The following COL24A1 variants were observed in gnomAD, a reference collection of about 807,000 sequenced individuals.
COL24A1 encodes collagen alpha-1(XXIV) chain.
In COL24A1, 224 loss-of-function variants were observed where a neutral mutation model predicts 253.9. That is an observed-to-expected ratio of 0.88 (90% confidence interval 0.79 to 0.99). COL24A1 has a LOEUF of 0.99. Ranked by LOEUF, COL24A1 falls within the 50% of genes least tolerant of loss-of-function variation. The pLI is 0.00. For synonymous variants in COL24A1, 685 were observed against 673.7 expected (o/e 1.02, Z -0.26); for missense variants, 2,131 against 2,068.5 (o/e 1.03, Z -0.59).
chr1:85,883,080 A>G (rs1174673276), intron 32 of COL24A1, among the ~76,000 whole-genome samples: 1 of 152,204 alleles, frequency 6.6e-6, no homozygotes, highest in African/African-American at 2.4e-5. Context: ...TGACTATGAT[A>G]TCATTGAGTT....
rs1697676974 is a variant in COL24A1, at chr1:86,022,874, G to C, written c.2107C>G (p.Leu703Val). 6.2e-7 allele frequency: 1 copy of C among 1,605,738 alleles called. No homozygotes were observed. Among genetic ancestry groups the C allele is most frequent in the African/African-American group, 1.3e-5 (1 of 74,714 alleles). Residue 703 changes from leucine to valine, a missense_variant, in exon 16 of 60, where the codon CTT (leucine) becomes GTT (valine). Coordinates refer to ENST00000370571, the MANE Select transcript of COL24A1 (RefSeq NM_152890.7). ...GPAGIPGPMG[L>V]SGNKGLPGIK... Reference sequence around the variant, plus strand: ...CCAGGTAGTCCTTTATTCCCTGAAAGGCCCTACAAAAAAAGGTGACATTTT... The same window carrying C: ...CCAGGTAGTCCTTTATTCCCTGAAACGCCCTACAAAAAAAGGTGACATTTT...
chr1:85,766,113 C>T (rs1388210193), intron 53 of COL24A1, among the ~76,000 whole-genome samples: 1 of 151,854 alleles, frequency 6.6e-6, no homozygotes, highest in Admixed American at 6.6e-5. Context: ...TGCCTCTAAT[C>T]CCAGCACTTT....
intron 14 of COL24A1, 105 bp from the exon 15 acceptor site, chr1:86,023,112 A>G (rs1204478985): frequency 1.1e-6 from 1 of 927,384 alleles, no homozygotes; most frequent in Non-Finnish European, 1.7e-6. Context: ...CCAACTCACT[A>G]AGCTCCTACA....
intron 7 of COL24A1, among the ~76,000 whole-genome samples, chr1:86,076,911 A>G (rs1702293958): frequency 6.6e-6 from 1 of 152,234 alleles, no homozygotes; most frequent in African/African-American, 2.4e-5. Flanking sequence ...CCTAGGCAAT[A>G]CCATTCTGGA....
At chr1:86,079,040 C>T (rs1453060574) in intron 7 of COL24A1, among the ~76,000 whole-genome samples, 1 of 152,136 alleles carries the variant, frequency 6.6e-6, no homozygotes. Context: ...AATCACATTA[C>T]CTGATTTCAA....
intron 7 of COL24A1, among the ~76,000 whole-genome samples, chr1:86,088,043 A>C (rs1703195667): frequency 6.6e-6 from 1 of 152,236 alleles, no homozygotes; most frequent in Non-Finnish European, 1.5e-5. Context: ...CCAAAACCAG[A>C]TAAATAGCTG....
intron 47 of COL24A1, among the ~76,000 whole-genome samples, chr1:85,799,865 A>G (rs17128351): frequency 0.019 from 2,904 of 152,362 alleles, 96 homozygotes; most frequent in African/African-American, 0.066. Context: ...ATGATGACTT[A>G]TGATCTGGTA....
At chr1:85,934,824 C>T (rs1688114506) in intron 24 of COL24A1, among the ~76,000 whole-genome samples, 1 of 152,044 alleles carries the variant, frequency 6.6e-6, no homozygotes, top group Non-Finnish European at 1.5e-5. Context: ...AAGCCCAAGT[C>T]ATTTCTGCTG....
intron 24 of COL24A1, among the ~76,000 whole-genome samples, chr1:85,943,811 T>C (rs1688979409): frequency 6.6e-6 from 1 of 152,226 alleles, no homozygotes; most frequent in Non-Finnish European, 1.5e-5. Flanking sequence ...GTGTGACTTC[T>C]ACCCCTTCAC....
At chr1:85,799,576 G>A (rs366187) in intron 47 of COL24A1, among the ~76,000 whole-genome samples, 58,871 of 151,736 alleles carry the variant, frequency 0.39, 11,794 homozygotes, top group East Asian at 0.57. Context: ...TTACTACCTT[G>A]TTTCACTGAA....
rs567093110 is a variant in COL24A1 at position 85,778,139 on chromosome 1, T to A, written c.4339-2430A>T. Among the ~76,000 whole-genome samples the A allele has an allele frequency of 3.9e-5, 6 of 152,244 alleles. No individual in the cohort carries two copies. The East Asian group carries it at 9.6e-4, about 24-fold the overall frequency. On this transcript the variant is annotated intron_variant, in intron 52 of 59. Coordinates refer to ENST00000370571, the MANE Select transcript of COL24A1 (RefSeq NM_152890.7). ...AGATAATTTTTTATTTTTAAATTTT[T>A]TTTGCCCAGGCTGGAGTGCAGTGGC... is the stretch of plus-strand genomic sequence containing the variant.
intron 37 of COL24A1, among the ~76,000 whole-genome samples, chr1:85,856,570 A>G (rs1678459643): frequency 6.6e-6 from 1 of 152,108 alleles, no homozygotes; most frequent in African/African-American, 2.4e-5. Context: ...TGACTTTCTG[A>G]TTACCCTACC....
intron 52 of COL24A1, among the ~76,000 whole-genome samples, chr1:85,778,212 T>C (rs1570575230): frequency 6.6e-6 from 1 of 152,036 alleles, no homozygotes; most frequent in Non-Finnish European, 1.5e-5. Context: ...CAAGTGGTCT[T>C]CCCACCTCAG....
intron 53 of COL24A1, among the ~76,000 whole-genome samples, chr1:85,763,288 C>T (rs558829849): frequency 1.3e-5 from 2 of 151,650 alleles, no homozygotes; most frequent in Admixed American, 1.3e-4. Flanking sequence ...TATGGTGGTG[C>T]ACTCCTGTAG....
intron 10 of COL24A1, among the ~76,000 whole-genome samples, chr1:86,053,060 CA>C (rs1465374128): frequency 6.6e-6 from 1 of 151,996 alleles, no homozygotes; most frequent in Non-Finnish European, 1.5e-5. Flanking sequence ...ACTTGAAAGC[CA>C]AGCAGTTGGA....
At chr1:85,832,440 T>C (rs1309189014) in intron 43 of COL24A1, among the ~76,000 whole-genome samples, 1 of 151,792 alleles carries the variant, frequency 6.6e-6, no homozygotes, top group Non-Finnish European at 1.5e-5. Flanking sequence ...AACTTTAAAG[T>C]AGTTTTTTCC....
intron 43 of COL24A1, among the ~76,000 whole-genome samples, chr1:85,827,731 T>G (rs2102046410): frequency 6.6e-6 from 1 of 152,142 alleles, no homozygotes; most frequent in East Asian, 1.9e-4. Flanking sequence ...TGTAGTATTC[T>G]CTGATGGTAG....
chr1:85,903,483 T>C (rs1465086855), intron 28 of COL24A1, among the ~76,000 whole-genome samples: 2 of 152,222 alleles, frequency 1.3e-5, no homozygotes, highest in African/African-American at 2.4e-5. Flanking sequence ...AATAGCATTA[T>C]AATAGGCACC....
chr1:85,815,106 G>A (rs1211688387), intron 47 of COL24A1, among the ~76,000 whole-genome samples: 4 of 152,124 alleles, frequency 2.6e-5, no homozygotes, highest in Admixed American at 6.5e-5. Context: ...CAAATATGAC[G>A]TATTTTCACA....
Sources: gnomAD v4.1 joint callset for allele counts (sites outside exome capture counted in the v4.1 genomes callset) on GRCh38, gnomAD v4.1.1 for gene constraint, MANE v1.5 for transcripts, NCBI Gene and HGNC (gene_info 2026-07-23, HGNC 2026-07-21) for gene names.